Variants in RAVER2 observed in about 807,000 individuals in gnomAD.
RAVER2 encodes ribonucleoprotein, PTB binding 2.
In RAVER2, 46 loss-of-function variants were observed where a neutral mutation model predicts 78.1. The ratio of observed to expected loss-of-function variants is 0.59; its 90% confidence interval spans 0.46 to 0.75. RAVER2 has a LOEUF of 0.75. RAVER2 is among the 30% of genes least tolerant of loss of function. The pLI is 0.00. For missense variants in RAVER2, 793 were observed against 837.5 expected (o/e 0.95, Z 0.66); for synonymous variants, 311 against 313.3 (o/e 0.99, Z 0.08).
chr1:64,758,974 G>A (rs975516198), intron 1 of RAVER2, among the ~76,000 whole-genome samples: 1 of 151,516 alleles, frequency 6.6e-6, no homozygotes, highest in Non-Finnish European at 1.5e-5. Flanking sequence ...GTTATTCTTT[G>A]GATGGATGAC....
At chr1:64,796,052 T>C (rs1285996363) in intron 5 of RAVER2, among the ~76,000 whole-genome samples, 1 of 152,048 alleles carries the variant, frequency 6.6e-6, no homozygotes, top group Non-Finnish European at 1.5e-5. Context: ...GATGATCATA[T>C]ATTTTTCCTA....
intron 5 of RAVER2, 91 bp from the exon 6 acceptor site, chr1:64,802,885 A>G (rs1279561528): frequency 1.0e-5 from 8 of 762,246 alleles, no homozygotes; most frequent in Non-Finnish European, 1.5e-5. Context: ...AATAGTTTAA[A>G]GAAATATTCA....
At chr1:64,759,016 C>T (rs976276059) in intron 1 of RAVER2, among the ~76,000 whole-genome samples, 4 of 151,368 alleles carry the variant, frequency 2.6e-5, no homozygotes, top group Non-Finnish European at 5.9e-5. Context: ...GATTAAAGCC[C>T]TCTTTCTTGG....
chr1:64,779,786 C>A (rs537834815), intron 3 of RAVER2, among the ~76,000 whole-genome samples: 1 of 151,162 alleles, frequency 6.6e-6, no homozygotes, highest in African/African-American at 2.4e-5. Flanking sequence ...GTGAACCCCC[C>A]CGAGTTGGAA....
At chr1:64,747,829 T>G (rs764212775) in intron 1 of RAVER2, among the ~76,000 whole-genome samples, 1 of 152,198 alleles carries the variant, frequency 6.6e-6, no homozygotes, top group African/African-American at 2.4e-5. Context: ...TTCTTTATTT[T>G]AGAATATCAC....
intron 1 of RAVER2, among the ~76,000 whole-genome samples, chr1:64,766,281 A>G (rs962315672): frequency 1.3e-5 from 2 of 152,188 alleles, no homozygotes; most frequent in African/African-American, 4.8e-5. Context: ...AAGTTAGTAT[A>G]GGGAGGCTCT....
chr1:64,816,554 C>T lies in RAVER2; in HGVS notation c.1929+1714C>T, dbSNP rs998036241. The T allele has an allele frequency of 1.1e-4, 17 of 152,308 alleles. No individual in the cohort carries two copies. The East Asian group carries it at 3.3e-3, about 29-fold the overall frequency. 9.4% of individuals were successfully genotyped at this position (152,308 alleles called of 1,614,324 possible). A position where few individuals can be genotyped will look rare whatever the true frequency, so the allele number is the denominator to read the frequency against. ...GGTCGTGTATTAGGAATTCCTTTTA[C>T]TATTTCCACTGCTGGGATGAAGGAA... On this transcript the variant is annotated intron_variant, in intron 11 of 11. Transcript: ENST00000294428.
intron 10 of RAVER2, among the ~76,000 whole-genome samples, chr1:64,813,167 CT>C (rs1345488211): frequency 6.6e-6 from 1 of 152,160 alleles, no homozygotes; most frequent in Non-Finnish European, 1.5e-5. Context: ...AAGTGGAATT[CT>C]CATTTACATT....
At chr1:64,820,291 A>G (rs1400747694) in intron 11 of RAVER2, among the ~76,000 whole-genome samples, 1 of 152,208 alleles carries the variant, frequency 6.6e-6, no homozygotes, top group Non-Finnish European at 1.5e-5. Flanking sequence ...AACAAAAACA[A>G]CTAGGTCTAA....
intron 5 of RAVER2, among the ~76,000 whole-genome samples, chr1:64,790,142 G>A (rs564044926): frequency 6.6e-6 from 1 of 152,326 alleles, no homozygotes; most frequent in Non-Finnish European, 1.5e-5. Context: ...GGAAATGAAT[G>A]CCTATACAGT....
chr1:64,799,875 T>C (rs1379299353), intron 5 of RAVER2, among the ~76,000 whole-genome samples: 1 of 152,200 alleles, frequency 6.6e-6, no homozygotes, highest in African/African-American at 2.4e-5. Flanking sequence ...CCTCCAGCAG[T>C]GTAAGAGAGT....
intron 1 of RAVER2, among the ~76,000 whole-genome samples, chr1:64,764,380 GA>G (rs139683002): frequency 4.1e-5 from 6 of 146,560 alleles, no homozygotes; most frequent in Admixed American, 1.4e-4. Context: ...TGGGAAAAGG[GA>G]AAAAAAAACA....
chr1:64,786,159 G>A (rs1053174745), intron 4 of RAVER2, among the ~76,000 whole-genome samples: 1 of 152,096 alleles, frequency 6.6e-6, no homozygotes, highest in Admixed American at 6.5e-5. Context: ...TTTGTTTCTT[G>A]TTCCTTTAGA....
At chr1:64,760,370 G>A (rs145164179) in intron 1 of RAVER2, among the ~76,000 whole-genome samples, 1 of 152,274 alleles carries the variant, frequency 6.6e-6, no homozygotes, top group Non-Finnish European at 1.5e-5. Context: ...AGAATCTCTG[G>A]GTGATGTATG....
intron 2 of RAVER2, among the ~76,000 whole-genome samples, chr1:64,775,549 G>A (rs1019695108): frequency 2.0e-5 from 3 of 152,080 alleles, no homozygotes; most frequent in Admixed American, 6.6e-5. Context: ...GATATTCAGC[G>A]GCCACACATT....
intron 11 of RAVER2, among the ~76,000 whole-genome samples, chr1:64,823,213 G>A (rs1268934766): frequency 6.6e-6 from 1 of 152,196 alleles, no homozygotes; most frequent in Non-Finnish European, 1.5e-5. Flanking sequence ...TTCATTTAGT[G>A]TTTTAGAGAT....
chr1:64,809,689 A>G (rs1653551533), intron 9 of RAVER2, among the ~76,000 whole-genome samples: 1 of 151,326 alleles, frequency 6.6e-6, no homozygotes, highest in Non-Finnish European at 1.5e-5. Flanking sequence ...GTGCAGCATC[A>G]TTACTCTCCA....
intron 5 of RAVER2, among the ~76,000 whole-genome samples, chr1:64,795,563 G>T (rs1012573395): frequency 3.3e-5 from 5 of 151,830 alleles, no homozygotes; most frequent in South Asian, 2.1e-4. Flanking sequence ...CATATTTTTT[G>T]ATGTTATTTT....
intron 1 of RAVER2, among the ~76,000 whole-genome samples, chr1:64,764,613 C>T (rs969447603): frequency 2.0e-5 from 3 of 152,180 alleles, no homozygotes; most frequent in Non-Finnish European, 4.4e-5. Flanking sequence ...CACAATGACT[C>T]ATCACACTGT....
Sources: gnomAD v4.1 joint callset for allele counts (sites outside exome capture counted in the v4.1 genomes callset) on GRCh38, gnomAD v4.1.1 for gene constraint, MANE v1.5 for transcripts, NCBI Gene and HGNC (gene_info 2026-07-23, HGNC 2026-07-21) for gene names.